The following NRG3 variants were observed in gnomAD, a reference collection of about 807,000 sequenced individuals.
NRG3 encodes the protein neuregulin 3.
Under a neutral mutation model 66.9 loss-of-function variants are expected in NRG3, and 31 were observed. That is an observed-to-expected ratio of 0.46 (90% CI 0.35 to 0.63). NRG3 has a LOEUF of 0.63. Ranked by LOEUF, NRG3 falls within the 20% of genes least tolerant of loss-of-function variation. The pLI is 0.00. For synonymous variants in NRG3, 393 were observed against 359.4 expected (o/e 1.09, Z -1.06); for missense variants, 910 against 878.9 (o/e 1.04, Z -0.45).
At chr10:82,484,624 G>A (rs1842537736) in intron 2 of NRG3, among the ~76,000 whole-genome samples, 2 of 152,090 alleles carry the variant, frequency 1.3e-5, no homozygotes, top group Admixed American at 1.3e-4. Context: ...GATCTGATTT[G>A]CTTTACTTCC....
chr10:81,985,331 T>C (rs191579409), intron 1 of NRG3, among the ~76,000 whole-genome samples: 3 of 152,346 alleles, frequency 2.0e-5, no homozygotes, highest in Non-Finnish European at 4.4e-5. Flanking sequence ...TGGATGGGCT[T>C]TTCTGAAAGT....
chr10:82,920,226 T>C (rs146108481), intron 4 of NRG3, among the ~76,000 whole-genome samples: 1 of 151,436 alleles, frequency 6.6e-6, no homozygotes, highest in African/African-American at 2.5e-5. Flanking sequence ...ATAAAGTACT[T>C]ATTTTCCATG....
intron 2 of NRG3, among the ~76,000 whole-genome samples, chr10:82,608,968 TAC>T (rs1310562105): frequency 6.6e-6 from 1 of 152,168 alleles, no homozygotes; most frequent in Non-Finnish European, 1.5e-5. Context: ...ATTTGTCAAT[TAC>T]AGTTTAAATG....
At chr10:82,232,451 C>G in intron 1 of NRG3, 1 of 281,366 alleles carries the variant, frequency 3.6e-6, no homozygotes, top group Non-Finnish European at 7.1e-6. Context: ...TCCTGACATC[C>G]CCACTCCCTC....
chr10:82,961,196 C>T (rs888436040), intron 6 of NRG3, among the ~76,000 whole-genome samples: 3 of 151,994 alleles, frequency 2.0e-5, no homozygotes, highest in Non-Finnish European at 2.9e-5. Flanking sequence ...TAGGTATAAA[C>T]GTAATAAGGT....
chr10:82,788,375 G>A (rs1157103921), intron 3 of NRG3, among the ~76,000 whole-genome samples: 4 of 152,094 alleles, frequency 2.6e-5, no homozygotes, highest in Admixed American at 2.0e-4. Flanking sequence ...TTCGAGACTA[G>A]CCTCACCAAC....
chr10:82,312,915 G>A (rs1470277765), intron 1 of NRG3, among the ~76,000 whole-genome samples: 2 of 152,134 alleles, frequency 1.3e-5, no homozygotes, highest in Non-Finnish European at 2.9e-5. Context: ...GGTGGCTCAT[G>A]CCTGTAATTC....
At chr10:82,302,343 C>A (rs917812951) in intron 1 of NRG3, among the ~76,000 whole-genome samples, 1 of 152,090 alleles carries the variant, frequency 6.6e-6, no homozygotes, top group Non-Finnish European at 1.5e-5. Flanking sequence ...CCATTCCTAG[C>A]CACAATTTAT....
At chr10:81,981,996 A>G (rs1379570409) in intron 1 of NRG3, among the ~76,000 whole-genome samples, 2 of 152,170 alleles carry the variant, frequency 1.3e-5, no homozygotes, top group East Asian at 1.9e-4. Flanking sequence ...TTTTCTTTCC[A>G]AAACATACCT....
intron 1 of NRG3, among the ~76,000 whole-genome samples, chr10:82,202,238 T>C (rs1020356573): frequency 6.6e-6 from 1 of 152,174 alleles, no homozygotes; most frequent in African/African-American, 2.4e-5. Context: ...GATCTGGAGA[T>C]CTCTGCTGAG....
chr10:82,265,852 G>T (rs898603152), intron 1 of NRG3, among the ~76,000 whole-genome samples: 1 of 152,118 alleles, frequency 6.6e-6, no homozygotes, highest in Non-Finnish European at 1.5e-5. Context: ...AAGAAGAAAA[G>T]AAGGAAAATG....
At chr10:82,055,122 C>A (rs1042318228) in intron 1 of NRG3, among the ~76,000 whole-genome samples, 3 of 151,976 alleles carry the variant, frequency 2.0e-5, no homozygotes, top group African/African-American at 4.8e-5. Flanking sequence ...GAGCCACAGT[C>A]TCAGCTGCTG....
chr10:82,658,622 T>C (rs2052063037), intron 2 of NRG3, among the ~76,000 whole-genome samples: 2 of 151,958 alleles, frequency 1.3e-5, no homozygotes, highest in Admixed American at 1.3e-4. Context: ...AAATACAAAC[T>C]AATCTATAAT....
chr10:82,412,128 GA>G (rs990647576), intron 2 of NRG3, among the ~76,000 whole-genome samples: 11 of 151,944 alleles, frequency 7.2e-5, no homozygotes, highest in Admixed American at 7.2e-4. Context: ...GTTATAGTAA[GA>G]AAAAAAACTA....
intron 2 of NRG3, among the ~76,000 whole-genome samples, chr10:82,398,871 G>A (rs1289559172): frequency 5.3e-5 from 8 of 152,088 alleles, no homozygotes; most frequent in Admixed American, 6.6e-5. Flanking sequence ...CTGCTTTTCC[G>A]ACTTGATGAA....
intron 1 of NRG3, among the ~76,000 whole-genome samples, chr10:81,998,663 GAT>G (rs2133647110): frequency 1.3e-5 from 2 of 152,332 alleles, no homozygotes; most frequent in Non-Finnish European, 2.9e-5. Flanking sequence ...CAACGTGTGT[GAT>G]AGATAGAGGA....
At chr10:82,784,869 G>T (rs1263869270) in intron 3 of NRG3, among the ~76,000 whole-genome samples, 1 of 152,038 alleles carries the variant, frequency 6.6e-6, no homozygotes, top group East Asian at 1.9e-4. Context: ...ATACCCAAAG[G>T]ACTATAAATC....
chr10:82,929,161 T>C (rs1847309936), intron 4 of NRG3, among the ~76,000 whole-genome samples: 1 of 152,190 alleles, frequency 6.6e-6, no homozygotes. Context: ...GTACAGACAT[T>C]TGCTGAATCC....
At chr10:82,306,761 A>G (rs1053102497) in intron 1 of NRG3, among the ~76,000 whole-genome samples, 12 of 146,974 alleles carry the variant, frequency 8.2e-5, no homozygotes, top group African/African-American at 3.0e-4. Flanking sequence ...TTCCATGGAC[A>G]CATTCCATCC....
Sources: allele counts gnomAD v4.1 joint callset (sites outside exome capture counted in the v4.1 genomes callset), GRCh38; gene constraint gnomAD v4.1.1; transcripts MANE v1.5; gene names NCBI Gene and HGNC (gene_info 2026-07-23, HGNC 2026-07-21).